SAFB: variants seen among roughly 807,000 people sequenced by gnomAD.
SAFB encodes the protein scaffold attachment factor B1.
In SAFB, 15 loss-of-function variants were observed where a neutral mutation model predicts 101.6. That is an observed-to-expected ratio of 0.15 (90% CI 0.10 to 0.23). SAFB has a LOEUF of 0.23. Ranked by LOEUF, SAFB falls within the 10% of genes least tolerant of loss-of-function variation. The probability of loss-of-function intolerance (pLI) is 1.00; values close to 1 mark genes in which losing one functional copy is unlikely to be tolerated. For synonymous variants in SAFB, 449 were observed against 407.5 expected, an observed-to-expected ratio of 1.10 and a Z score of -1.23; for missense variants, 930 against 1,104.1, an observed-to-expected ratio of 0.84 and a Z score of 2.23.
intron 9 of SAFB, 60 bp downstream of exon 9, chr19:5,651,132 A>G (rs1232444178): frequency 8.6e-6 from 9 of 1,044,136 alleles, no homozygotes; most frequent in Middle Eastern, 2.1e-4. Flanking sequence ...TGGCCTTTAC[A>G]TGGAGGTCCT....
chr19:5,666,954 C>A, intron 17 of SAFB, 92 bp from the exon 18 acceptor site: 1 of 821,302 alleles, frequency 1.2e-6, no homozygotes, highest in South Asian at 1.3e-5. Context: ...GAGTGACTGT[C>A]GTTGTCATCG....
At chr19:5,661,363 G>C (rs182899985) in intron 14 of SAFB, 155 bp from the exon 15 acceptor site, 11 of 1,375,600 alleles carry the variant, frequency 8.0e-6, no homozygotes, top group Non-Finnish European at 1.1e-5. Context: ...CTGTGGGCCC[G>C]AGAAGCCTTC....
At chr19:5,630,537 C>T (rs1460296061) in intron 2 of SAFB, among the ~76,000 whole-genome samples, 1 of 152,168 alleles carries the variant, frequency 6.6e-6, no homozygotes, top group African/African-American at 2.4e-5. Context: ...AGGTGGATCA[C>T]CTGAGGTCAG....
intron 13 of SAFB, among the ~76,000 whole-genome samples, chr19:5,656,024 A>G (rs2054051294): frequency 6.6e-6 from 1 of 152,190 alleles, no homozygotes; most frequent in Non-Finnish European, 1.5e-5. Flanking sequence ...TTTTTTCTCT[A>G]TTAAATGTAC....
In SAFB at chr19:5,663,039, G is replaced by A. The variant is rs768757441; in HGVS notation, c.2154-983G>A. Among the ~76,000 whole-genome samples, 9 of 151,740 alleles carry A rather than the reference G, an allele frequency of 5.9e-5. No homozygotes were observed. In the South Asian group the frequency reaches 1.2e-3, roughly 21 times the overall value. On this transcript the variant is annotated intron_variant, in intron 15 of 20. Coordinates refer to ENST00000588852, the MANE Select transcript of SAFB (RefSeq NM_001201338.2). The stretch of plus-strand genomic sequence containing the variant: ...TTTTTTGAGACGGAGTTTTGCTTTC[G>A]TTGCCCAGGCTGGAGTGCAATGGCG...
intron 14 of SAFB, 81 bp from the exon 15 acceptor site, chr19:5,661,437 A>AC: frequency 6.4e-7 from 1 of 1,573,512 alleles, no homozygotes; most frequent in Non-Finnish European, 8.6e-7. Flanking sequence ...AGTCTGTGCG[A>AC]CCCAGCGTCT....
intron 2 of SAFB, among the ~76,000 whole-genome samples, chr19:5,630,791 T>C (rs2053473754): frequency 6.6e-6 from 1 of 151,792 alleles, no homozygotes; most frequent in Non-Finnish European, 1.5e-5. Context: ...CTCTGTTATA[T>C]ATAGAAAGAA....
intron 2 of SAFB, among the ~76,000 whole-genome samples, chr19:5,628,545 A>G (rs878891314): frequency 5.3e-5 from 8 of 152,184 alleles, no homozygotes; most frequent in Admixed American, 1.3e-4. Context: ...TTGTGGCAAT[A>G]TGTCAGTGCT....
chr19:5,659,847 CCT>C (rs1243004231), intron 14 of SAFB, among the ~76,000 whole-genome samples: 1 of 152,142 alleles, frequency 6.6e-6, no homozygotes, highest in Admixed American at 6.5e-5. Flanking sequence ...ACCCTAGGCC[CCT>C]CTCCATATCT....
intron 9 of SAFB, among the ~76,000 whole-genome samples, chr19:5,652,293 C>T (rs879387132): frequency 2.0e-5 from 3 of 152,170 alleles, no homozygotes; most frequent in Non-Finnish European, 4.4e-5. Context: ...GCTGGCAACA[C>T]CTGCGCCAAG....
At chr19:5,633,593 C>T (rs2053534234) in intron 2 of SAFB, among the ~76,000 whole-genome samples, 2 of 152,092 alleles carry the variant, frequency 1.3e-5, no homozygotes, top group Admixed American at 6.5e-5. Flanking sequence ...TCCTGGCTAA[C>T]ACGGTGAAAC....
intron 2 of SAFB, among the ~76,000 whole-genome samples, chr19:5,636,429 G>A (rs528030781): frequency 3.3e-5 from 5 of 152,080 alleles, no homozygotes; most frequent in African/African-American, 1.2e-4. Flanking sequence ...AGACCTCGAG[G>A]CATGTTTTGC....
chr19:5,640,975 G>A (rs1013108441), intron 2 of SAFB, among the ~76,000 whole-genome samples: 6 of 150,390 alleles, frequency 4.0e-5, no homozygotes, highest in African/African-American at 1.5e-4. Flanking sequence ...TGTTGCCCAG[G>A]CTGGAGTGCA....
rs2054203683 is a variant in SAFB, at chr19:5,661,552, A to C, written c.1897A>C (p.Met633Leu). 1 of 1,612,954 alleles carries C rather than the reference A, an allele frequency of 6.2e-7. No homozygotes were observed. Among genetic ancestry groups the C allele is most frequent in the African/African-American group, 1.3e-5 (1 of 74,962 alleles). Reference sequence around the variant, plus strand: ...TGAACGCAGTGAACGCGAACAACGCATGCAGGCGCAGTGGGAGCGCGAGGA... The same window carrying C: ...TGAACGCAGTGAACGCGAACAACGCCTGCAGGCGCAGTGGGAGCGCGAGGA... Reference protein sequence around the residue: ...VRERSEREQRMQAQWEREERE... With the variant: ...VRERSEREQRLQAQWEREERE... Residue 633 changes from methionine (M) to leucine (L), a missense_variant, in exon 15 of 21, where the codon ATG becomes CTG. Around this residue, in one of 7 missense-constraint regions of SAFB, gnomAD observed 159 missense variants for 234.1 expected, o/e 0.68. Transcript: ENST00000588852.
At position 5,667,909 on chromosome 19, in the gene SAFB, C is replaced by T; in HGVS notation, c.2624+23C>T. 6.3e-7 allele frequency: 1 copy of T among 1,579,652 alleles called. No homozygotes were observed. Among genetic ancestry groups the T allele is most frequent in the Non-Finnish European group, 8.6e-7 (1 of 1,162,904 alleles). On this transcript the variant is annotated intron_variant, in intron 20 of 20. Transcript: ENST00000588852. The surrounding 1 kb of genome is among the most constrained non-coding windows in gnomAD (Gnocchi z 4.0). ...AGGGTAAGGCATGCTGGGGGCGGCGCCCCTTCCCCCTGCTTTGCATATTGG... is the reference window on the plus strand; with the variant it reads ...AGGGTAAGGCATGCTGGGGGCGGCGTCCCTTCCCCCTGCTTTGCATATTGG...
chr19:5,649,999 T>G (rs1389788891), intron 8 of SAFB, 24 bp downstream of exon 8: 3 of 1,597,630 alleles, frequency 1.9e-6, no homozygotes, highest in Non-Finnish European at 2.6e-6. Flanking sequence ...GCGACACCAG[T>G]CCCTTGGAGC....
chr19:5,631,401 T>A (rs2053487612), intron 2 of SAFB, among the ~76,000 whole-genome samples: 1 of 152,216 alleles, frequency 6.6e-6, no homozygotes, highest in South Asian at 2.1e-4. Flanking sequence ...CTTCTTGTAA[T>A]CAGTTTTATT....
chr19:5,657,130 C>T (rs2054080670), intron 13 of SAFB, 111 bp from the exon 14 acceptor site: 4 of 700,866 alleles, frequency 5.7e-6, no homozygotes, highest in African/African-American at 1.8e-5. Context: ...GTCTCAAATT[C>T]CCAATCTCAA....
intron 14 of SAFB, 55 bp downstream of exon 14, chr19:5,657,402 G>C: frequency 8.1e-7 from 1 of 1,233,384 alleles, no homozygotes; most frequent in South Asian, 1.2e-5. Context: ...GGTCATGACT[G>C]TCTTCTGGAA....
Sources: allele counts gnomAD v4.1 joint callset (sites outside exome capture counted in the v4.1 genomes callset), GRCh38; gene constraint gnomAD v4.1.1; regional missense constraint gnomAD v4.1.1; non-coding constraint Gnocchi (gnomAD v3.1); transcripts MANE v1.5; gene names NCBI Gene and HGNC (gene_info 2026-07-23, HGNC 2026-07-21).